The following MRRF variants were observed in gnomAD, a reference collection of about 807,000 sequenced individuals.
The protein encoded by MRRF is ribosome-recycling factor, mitochondrial.
MRRF carries 18 observed loss-of-function variants against 25.1 expected under a neutral mutation model. The observed-to-expected ratio is 0.72, with a 90% CI of 0.50 to 1.06. The LOEUF is 1.06. MRRF is among the 50% of genes least tolerant of loss of function. The pLI, the probability that MRRF is intolerant of heterozygous loss-of-function variation, is 0.00. For synonymous variants in MRRF, 113 were observed against 112.1 expected, an observed-to-expected ratio of 1.01 and a Z score of -0.05; for missense variants, 323 against 319.3, an observed-to-expected ratio of 1.01 and a Z score of -0.09.
At chr9:122,299,399 G>A (rs1834298398) in intron 5 of MRRF, among the ~76,000 whole-genome samples, 1 of 151,912 alleles carries the variant, frequency 6.6e-6, no homozygotes. Context: ...ACAGGCATGA[G>A]CCATTGCACC....
intron 4 of MRRF, among the ~76,000 whole-genome samples, chr9:122,286,890 C>T (rs548764957): frequency 7.2e-5 from 11 of 152,206 alleles, no homozygotes; most frequent in Admixed American, 7.2e-4. Flanking sequence ...TTGATCTTGC[C>T]TCTGTTTTTT....
intron 5 of MRRF, among the ~76,000 whole-genome samples, chr9:122,307,949 T>C (rs1834959130): frequency 6.6e-6 from 1 of 152,220 alleles, no homozygotes; most frequent in South Asian, 2.1e-4. Flanking sequence ...TGCATTCTCA[T>C]TGAAACAATA....
At position 122,326,937 on chromosome 9, in the gene MRRF, C is replaced by T. The variant is rs1331058926; in HGVS notation, c.*4320C>T. The T allele has an allele frequency of 6.6e-6, 1 of 152,194 alleles. No homozygotes were observed. The highest frequency in any genetic ancestry group is 2.4e-5 in the African/African-American group (1 of 41,448). 9.4% of individuals were successfully genotyped at this position (152,194 alleles called of 1,614,324 possible). A position where few individuals can be genotyped will look rare whatever the true frequency, so the allele number is the denominator to read the frequency against. ...ATGAAATTTCAAACCCACATCTGAC[C>T]TTGAAGTAGGTCCTTAATCAGTGTG... On this transcript the variant is annotated 3_prime_UTR_variant, in exon 7 of 7. Coordinates refer to ENST00000344641, the MANE Select transcript of MRRF (RefSeq NM_138777.5).
intron 2 of MRRF, among the ~76,000 whole-genome samples, chr9:122,274,533 G>GGT (rs765131163): frequency 0.15 from 21,579 of 140,360 alleles, 1,637 homozygotes; most frequent in East Asian, 0.28. Flanking sequence ...ATATGAATCT[G>GGT]GTGTGTGTGT....
chr9:122,300,225 G>C (rs1834364981), intron 5 of MRRF, among the ~76,000 whole-genome samples: 1 of 152,244 alleles, frequency 6.6e-6, no homozygotes, highest in Admixed American at 6.5e-5. Flanking sequence ...GAGAAGCACA[G>C]TGGATGTGGC....
intron 5 of MRRF, among the ~76,000 whole-genome samples, chr9:122,303,645 T>C (rs1834619174): frequency 6.6e-6 from 1 of 152,188 alleles, no homozygotes; most frequent in Admixed American, 6.5e-5. Context: ...CCGAAAGTTG[T>C]GTACGTATTT....
intron 4 of MRRF, among the ~76,000 whole-genome samples, chr9:122,290,728 G>C (rs937976349): frequency 6.6e-6 from 1 of 152,166 alleles, no homozygotes; most frequent in Non-Finnish European, 1.5e-5. Flanking sequence ...GTTTTCATGA[G>C]TTCCACATTG....
intron 1 of MRRF, among the ~76,000 whole-genome samples, chr9:122,269,259 AATTTT>A (rs1419080176): frequency 2.0e-5 from 3 of 152,176 alleles, no homozygotes; most frequent in Non-Finnish European, 4.4e-5. Context: ...TTCATTATTA[AATTTT>A]ATTTTAAGTT....
At chr9:122,272,396 T>C (rs1257454612) in intron 2 of MRRF, among the ~76,000 whole-genome samples, 1 of 152,208 alleles carries the variant, frequency 6.6e-6, no homozygotes, top group Non-Finnish European at 1.5e-5. Flanking sequence ...CCGAGTGCTG[T>C]GGCTCACACC....
rs931021768 is a variant in MRRF, at chr9:122,328,325, G to T, written c.*5708G>T. The T allele has an allele frequency of 1.3e-5, 2 of 152,092 alleles. No individual in the cohort carries two copies. The highest frequency in any genetic ancestry group is 1.3e-4 in the Admixed American group (2 of 15,250). The allele number at this position is 152,092 out of a possible 1,614,324, so 9.4% of individuals were successfully genotyped here. On this transcript the variant is annotated 3_prime_UTR_variant, in exon 7 of 7. Transcript: ENST00000344641. Reference sequence around the variant, plus strand: ...TAGCATTTAGTACATTTACATTGTTGTACAACCATCCTCCAGAACTCTTTA... The same window carrying T: ...TAGCATTTAGTACATTTACATTGTTTTACAACCATCCTCCAGAACTCTTTA...
At chr9:122,282,168 C>T (rs1024384351) in intron 3 of MRRF, among the ~76,000 whole-genome samples, 5 of 152,142 alleles carry the variant, frequency 3.3e-5, no homozygotes, top group East Asian at 1.9e-4. Flanking sequence ...CAGATTGTTC[C>T]GTTTTATCTT....
chr9:122,296,706 G>A (rs981540675), intron 5 of MRRF, among the ~76,000 whole-genome samples: 1 of 152,150 alleles, frequency 6.6e-6, no homozygotes, highest in Non-Finnish European at 1.5e-5. Context: ...TTCAGGCCAG[G>A]TTTCTGCCTC....
At chr9:122,288,817 A>C (rs954451) in intron 4 of MRRF, among the ~76,000 whole-genome samples, 5 of 152,220 alleles carry the variant, frequency 3.3e-5, no homozygotes, top group African/African-American at 1.2e-4. Context: ...GCTTAGAATA[A>C]CAAAGGCAGA....
intron 2 of MRRF, among the ~76,000 whole-genome samples, chr9:122,276,100 G>A (rs1414174453): frequency 1.3e-5 from 2 of 151,742 alleles, no homozygotes; most frequent in Non-Finnish European, 2.9e-5. Flanking sequence ...TTTTAGTAGA[G>A]ATGGGATTTC....
At chr9:122,313,185 T>A in intron 5 of MRRF, 42 bp from the exon 6 acceptor site, 1 of 1,595,774 alleles carries the variant, frequency 6.3e-7, no homozygotes, top group African/African-American at 1.3e-5. Flanking sequence ...CAGCAGTTAA[T>A]GTATAGAATG....
rs564503100 is a variant in MRRF at position 122,315,792 on chromosome 9, C to T, written c.711+2406C>T. ...CCTTCAGGGCCTGCCAGGCACTAGT[C>T]ACTCAGCAAGCCAGGACATCTGCCT... On this transcript the variant is annotated intron_variant, in intron 6 of 6. Coordinates refer to ENST00000344641, the MANE Select transcript of MRRF (RefSeq NM_138777.5). 3.9e-5 allele frequency among the ~76,000 whole-genome samples: 6 copies of T among 152,184 alleles called. No individual in the cohort carries two copies. In the South Asian group the frequency reaches 1.3e-3, roughly 32 times the overall value.
Position 122,325,649 on chromosome 9 carries a change from TG to T in MRRF, c.*3033del. 1 of 114,776 alleles carries T rather than the reference TG, an allele frequency of 8.7e-6. No individual in the cohort carries two copies. Among genetic ancestry groups the T allele is most frequent in the Admixed American group, 8.7e-5 (1 of 11,506 alleles). 7.1% of individuals were successfully genotyped at this position (114,776 alleles called of 1,614,324 possible). A position where few individuals can be genotyped will look rare whatever the true frequency, so the allele number is the denominator to read the frequency against. Reference sequence around the variant, plus strand: ...CCTGTCTGGTGTGTGTGTGTGTGTGTGTGTGTGTGTGTGTGTGTGTGTGTGT... The same window carrying T: ...CCTGTCTGGTGTGTGTGTGTGTGTGTTGTGTGTGTGTGTGTGTGTGTGTGT... On this transcript the variant is annotated 3_prime_UTR_variant, in exon 7 of 7. Coordinates refer to ENST00000344641, the MANE Select transcript of MRRF (RefSeq NM_138777.5).
At chr9:122,291,254 C>G (rs1343268050) in intron 4 of MRRF, among the ~76,000 whole-genome samples, 1 of 152,222 alleles carries the variant, frequency 6.6e-6, no homozygotes, top group African/African-American at 2.4e-5. Flanking sequence ...AGCAGAGATT[C>G]ATTGCTCATT....
chr9:122,318,411 A>T (rs1368651065), intron 6 of MRRF, among the ~76,000 whole-genome samples: 1 of 152,214 alleles, frequency 6.6e-6, no homozygotes, highest in Non-Finnish European at 1.5e-5. Context: ...AGATCCTTTC[A>T]CTGCTGCCTT....
Sources: gnomAD v4.1 joint callset for allele counts (sites outside exome capture counted in the v4.1 genomes callset) on GRCh38, gnomAD v4.1.1 for gene constraint, MANE v1.5 for transcripts, NCBI Gene and HGNC (gene_info 2026-07-23, HGNC 2026-07-21) for gene names.